Variants in CCBE1 observed in about 807,000 individuals in gnomAD.
CCBE1 encodes the protein collagen and calcium-binding EGF domain-containing protein 1.
CCBE1 carries 37 observed loss-of-function variants against 50.0 expected under a neutral mutation model. The observed-to-expected ratio is 0.74, with a 90% CI of 0.57 to 0.97. CCBE1 has a LOEUF of 0.97. Among genes scored for constraint, CCBE1 ranks in the 50% least tolerant of loss-of-function variants. CCBE1 has a pLI of 0.00. For missense variants in CCBE1, 538 were observed against 523.8 expected (o/e 1.03, Z -0.26); for synonymous variants, 234 against 203.7 (o/e 1.15, Z -1.27).
intron 2 of CCBE1, among the ~76,000 whole-genome samples, chr18:59,578,957 A>T (rs7240893): frequency 0.072 from 10,992 of 152,186 alleles, 1,230 homozygotes; most frequent in African/African-American, 0.24. Context: ...ATAATTTTTT[A>T]AAAAAGATAC....
intron 2 of CCBE1, among the ~76,000 whole-genome samples, chr18:59,683,910 G>T (rs541525871): frequency 3.1e-4 from 47 of 151,082 alleles, no homozygotes; most frequent in African/African-American, 1.1e-3. Flanking sequence ...CATGGTCCCG[G>T]CTGTGCCAAG....
In CCBE1 at chr18:59,605,347, GT is replaced by G. The variant is rs747091333; in HGVS notation, c.212+91281del. On this transcript the variant is annotated intron_variant, in intron 2 of 10. Transcript: ENST00000439986. ...AGCGATAACAAGAGGAAGATGACAA[GT>G]TTTATCCTTATAGAGAACAGGTGGG... 3.9e-5 allele frequency among the ~76,000 whole-genome samples: 6 copies of G among 152,178 alleles called. No homozygotes were observed. The South Asian group carries it at 1.2e-3, about 32-fold the overall frequency.
chr18:59,612,001 A>G (rs1428481643), intron 2 of CCBE1, among the ~76,000 whole-genome samples: 8 of 152,210 alleles, frequency 5.3e-5, no homozygotes, highest in African/African-American at 1.9e-4. Context: ...TGGGCTTGGC[A>G]TGACTATACC....
intron 2 of CCBE1, among the ~76,000 whole-genome samples, chr18:59,578,318 G>A (rs1490476648): frequency 6.6e-6 from 1 of 152,196 alleles, no homozygotes; most frequent in Non-Finnish European, 1.5e-5. Context: ...AGAGGATGTG[G>A]AGAAATAGAA....
At chr18:59,633,731 G>GTTTT (rs565486478) in intron 2 of CCBE1, among the ~76,000 whole-genome samples, 39 of 140,398 alleles carry the variant, frequency 2.8e-4, no homozygotes, top group African/African-American at 9.8e-4. Flanking sequence ...TTTAGGGTTT[G>GTTTT]TTTTTTTTTT....
chr18:59,455,061 C>T, intron 5 of CCBE1, 110 bp from the exon 6 acceptor site: 1 of 817,844 alleles, frequency 1.2e-6, no homozygotes, highest in Non-Finnish European at 2.1e-6. Context: ...GACAGCGGGA[C>T]ATGCGAGGGC....
At chr18:59,594,702 G>T (rs1034694491) in intron 2 of CCBE1, among the ~76,000 whole-genome samples, 1 of 152,016 alleles carries the variant, frequency 6.6e-6, no homozygotes, top group Admixed American at 6.6e-5. Flanking sequence ...TCATTTCCTC[G>T]GTGCTACTCA....
rs183421848 is a variant in CCBE1 at position 59,690,983 on chromosome 18, G to A, written c.212+5646C>T. Among the ~76,000 whole-genome samples the A allele has an allele frequency of 2.7e-4, 41 of 152,290 alleles. 1 individual carries two copies. The highest frequency in any genetic ancestry group is 8.2e-4 in the African/African-American group (34 of 41,562). ...TACACATTAGCAATTAAAGTTAAGCGGATCTAACTTGGAACCAATGAAAAT... is the reference window on the plus strand; with the variant it reads ...TACACATTAGCAATTAAAGTTAAGCAGATCTAACTTGGAACCAATGAAAAT... On this transcript the variant is annotated intron_variant, in intron 2 of 10. Coordinates refer to ENST00000439986, the MANE Select transcript of CCBE1 (RefSeq NM_133459.4).
At chr18:59,618,278 C>T (rs1162280695) in intron 2 of CCBE1, among the ~76,000 whole-genome samples, 1 of 151,678 alleles carries the variant, frequency 6.6e-6, no homozygotes, top group African/African-American at 2.4e-5. Context: ...AGGAGACCCA[C>T]TGCTATTGAA....
At chr18:59,439,471 CA>C in intron 9 of CCBE1, 71 bp downstream of exon 9, 1 of 1,590,438 alleles carries the variant, frequency 6.3e-7, no homozygotes, top group South Asian at 1.1e-5. Context: ...TCTCAAAAAA[CA>C]AAAACAAAAC....
chr18:59,436,902 G>A (rs1910183397), intron 10 of CCBE1, among the ~76,000 whole-genome samples: 1 of 152,124 alleles, frequency 6.6e-6, no homozygotes, highest in Admixed American at 6.5e-5. Flanking sequence ...AGCCCAAGAG[G>A]TCGAGGCTGC....
At chr18:59,547,037 G>GAGAGGGGGAC (rs11271448) in intron 2 of CCBE1, among the ~76,000 whole-genome samples, 36,912 of 89,670 alleles carry the variant, frequency 0.41, 8,850 homozygotes, top group African/African-American at 0.59. Flanking sequence ...GAGAGAGAAA[G>GAGAGGGGGAC]AGAGGGGGAG....
At chr18:59,677,671 T>C (rs73961291) in intron 2 of CCBE1, among the ~76,000 whole-genome samples, 1,785 of 150,408 alleles carry the variant, frequency 0.012, 29 homozygotes, top group African/African-American at 0.042. Flanking sequence ...AACCCAGGAG[T>C]TGAGTCTTTT....
chr18:59,463,068 T>C (rs7228727), intron 5 of CCBE1, among the ~76,000 whole-genome samples: 30,838 of 152,170 alleles, frequency 0.2, 3,908 homozygotes, highest in Middle Eastern at 0.3. Context: ...ACTTGAAAAA[T>C]ATTTAAGAAG....
intron 6 of CCBE1, among the ~76,000 whole-genome samples, chr18:59,454,357 G>A (rs1443439845): frequency 6.6e-6 from 1 of 152,110 alleles, no homozygotes; most frequent in Admixed American, 6.5e-5. Flanking sequence ...CAATTCTCCT[G>A]CCTCAGCCTG....
At chr18:59,629,555 C>T (rs2053826328) in intron 2 of CCBE1, among the ~76,000 whole-genome samples, 1 of 152,132 alleles carries the variant, frequency 6.6e-6, no homozygotes, top group Admixed American at 6.5e-5. Flanking sequence ...GAACACTGCC[C>T]AGCACAGAGT....
chr18:59,582,459 A>T (rs1384163715), intron 2 of CCBE1, among the ~76,000 whole-genome samples: 1 of 152,200 alleles, frequency 6.6e-6, no homozygotes, highest in Non-Finnish European at 1.5e-5. Context: ...TGACAAGAAA[A>T]AGCTGAAACT....
At chr18:59,591,457 T>C (rs2053268265) in intron 2 of CCBE1, among the ~76,000 whole-genome samples, 1 of 152,136 alleles carries the variant, frequency 6.6e-6, no homozygotes, top group Admixed American at 6.5e-5. Flanking sequence ...CTGATATCCC[T>C]AATATGTATT....
chr18:59,495,608 C>G (rs1598951432), intron 2 of CCBE1, among the ~76,000 whole-genome samples: 1 of 138,342 alleles, frequency 7.2e-6, no homozygotes, highest in Non-Finnish European at 1.6e-5. Context: ...GGGTGCTTGC[C>G]TTTTTTTTTT....
Sources: allele counts gnomAD v4.1 joint callset (sites outside exome capture counted in the v4.1 genomes callset), GRCh38; gene constraint gnomAD v4.1.1; transcripts MANE v1.5; gene names NCBI Gene and HGNC (gene_info 2026-07-23, HGNC 2026-07-21).